The following PRKDC variants were observed in gnomAD, a reference collection of about 807,000 sequenced individuals.
PRKDC encodes the protein protein kinase, DNA-activated, catalytic subunit, also known as DNA-dependent protein kinase catalytic subunit.
A neutral mutation model predicts 486.9 loss-of-function variants in PRKDC; 82 were observed. The observed-to-expected ratio is 0.17, with a 90% confidence interval of 0.14 to 0.20. The LOEUF is 0.20. Among genes scored for constraint, PRKDC ranks in the 10% least tolerant of loss-of-function variants. The pLI is 1.00. For synonymous variants in PRKDC, 1,895 were observed against 1,837.0 expected (o/e 1.03, Z -0.81); for missense variants, 4,504 against 5,038.2 (o/e 0.89, Z 3.21).
intron 25 of PRKDC, among the ~76,000 whole-genome samples, chr8:47,909,548 T>C (rs115805827): frequency 6.6e-6 from 1 of 152,148 alleles, no homozygotes; most frequent in Non-Finnish European, 1.5e-5. Context: ...GATTTTCAGG[T>C]AACAAGCAAG....
In PRKDC at chr8:47,822,020, C is replaced by T. The variant is rs550395206; in HGVS notation, c.8923-228G>A. ...AAACCCAGCTGGGCACGCTGGCTCA[C>T]GCCTGTGATCCCACCACTGTGGGAG... On this transcript the variant is annotated intron_variant, in intron 64 of 85. Transcript: ENST00000314191. 1.6e-4 allele frequency among the ~76,000 whole-genome samples: 24 copies of T among 152,350 alleles called. 1 individual carries two copies. In the East Asian group the frequency reaches 4.6e-3, roughly 29 times the overall value.
chr8:47,940,145 CAG>C (rs1167654613), intron 10 of PRKDC, among the ~76,000 whole-genome samples: 1 of 152,030 alleles, frequency 6.6e-6, no homozygotes, highest in Non-Finnish European at 1.5e-5. Flanking sequence ...AGAGAGCTGT[CAG>C]GGGACCAGTG....
At chr8:47,933,835 T>A (rs2090299827) in intron 15 of PRKDC, 130 bp downstream of exon 15, 5 of 998,574 alleles carry the variant, frequency 5.0e-6, no homozygotes, top group Non-Finnish European at 6.7e-6. Context: ...TAATTTTTTA[T>A]TTTTGAAGTA....
At chr8:47,856,803 AG>A (rs1472514002) in intron 49 of PRKDC, among the ~76,000 whole-genome samples, 1 of 152,232 alleles carries the variant, frequency 6.6e-6, no homozygotes, top group African/African-American at 2.4e-5. Context: ...AGGGACTTCA[AG>A]GCAGGAGTCC....
At chr8:47,886,436 C>A (rs1222307828) in intron 35 of PRKDC, among the ~76,000 whole-genome samples, 3 of 152,086 alleles carry the variant, frequency 2.0e-5, no homozygotes, top group African/African-American at 4.8e-5. Flanking sequence ...GTTGCCCAGG[C>A]TGGAGTACAG....
intron 69 of PRKDC, among the ~76,000 whole-genome samples, chr8:47,806,644 T>C (rs2087220855): frequency 6.6e-6 from 1 of 152,216 alleles, no homozygotes; most frequent in African/African-American, 2.4e-5. Context: ...AATGTATACT[T>C]AATATCAAGA....
intron 60 of PRKDC, 139 bp downstream of exon 60, chr8:47,831,675 G>A: frequency 1.2e-6 from 1 of 841,336 alleles, no homozygotes; most frequent in East Asian, 2.6e-5. Context: ...GGAGCCCCAG[G>A]AGGCTGGTTT....
rs1160174249 is a variant in PRKDC at position 47,799,234 on chromosome 8, G to A, written c.10273C>T (p.Arg3425Cys). 9.3e-6 allele frequency: 15 copies of A among 1,613,540 alleles called. No homozygotes were observed. The highest frequency in any genetic ancestry group is 1.6e-4 in the Middle Eastern group (1 of 6,084). The change falls in exon 72 of 86, where the codon CGC becomes TGC. Residue 3425 changes from arginine (R) to cysteine (C), a missense_variant. Physicochemically the swap from Arg to Cys is radical, Grantham distance 180. Coordinates refer to ENST00000314191, the MANE Select transcript of PRKDC (RefSeq NM_006904.7). ...CCTGATGCATTCTCTTCCTCCTTGCGCAGCTGTTGGTCACAGAAATCTGCC... is the reference window on the plus strand; with the variant it reads ...CCTGATGCATTCTCTTCCTCCTTGCACAGCTGTTGGTCACAGAAATCTGCC... ...TLADFCDQQL[R>C]KEEENASVID...
intron 21 of PRKDC, 188 bp downstream of exon 21, chr8:47,927,006 A>G: frequency 1.6e-6 from 1 of 615,928 alleles, no homozygotes; most frequent in South Asian, 2.6e-5. Flanking sequence ...ATTTTTTAAT[A>G]CCTCAACTAT....
chr8:47,852,971 T>C (rs1321294210), intron 51 of PRKDC, among the ~76,000 whole-genome samples, 187 bp from the exon 52 acceptor site: 1 of 152,176 alleles, frequency 6.6e-6, no homozygotes, highest in African/African-American at 2.4e-5. Context: ...CCCGATGTCA[T>C]AACCAGAAAA....
At chr8:47,881,613 ATTGT>A in intron 37 of PRKDC, 93 bp from the exon 38 acceptor site, 1 of 706,012 alleles carries the variant, frequency 1.4e-6, no homozygotes, top group Non-Finnish European at 2.3e-6. Context: ...CCAGAAATGA[ATTGT>A]TAATTTAATT....
intron 38 of PRKDC, among the ~76,000 whole-genome samples, chr8:47,881,091 C>CAAGA (rs1337408846): frequency 1.3e-5 from 2 of 148,974 alleles, no homozygotes; most frequent in African/African-American, 2.5e-5. Context: ...AGCAAGAAAG[C>CAAGA]AAGCAAGCAA....
At chr8:47,796,320 C>G (rs1487811751) in intron 73 of PRKDC, among the ~76,000 whole-genome samples, 2 of 151,842 alleles carry the variant, frequency 1.3e-5, no homozygotes, top group Non-Finnish European at 2.9e-5. Flanking sequence ...GCCTGGGTGA[C>G]AGCGAGACTC....
chr8:47,935,133 CAG>C, intron 13 of PRKDC, 75 bp from the exon 14 acceptor site: 1 of 1,071,614 alleles, frequency 9.3e-7, no homozygotes, highest in Non-Finnish European at 1.3e-6. Context: ...AAAAAACAAA[CAG>C]TCATTATATT....
intron 21 of PRKDC, among the ~76,000 whole-genome samples, chr8:47,924,976 C>T (rs574606584): frequency 6.6e-6 from 1 of 152,306 alleles, no homozygotes; most frequent in Admixed American, 6.5e-5. Context: ...CCTCCATCGC[C>T]CTTCTCACCC....
At chr8:47,781,354 T>C (rs759032841) in intron 80 of PRKDC, among the ~76,000 whole-genome samples, 23 of 152,212 alleles carry the variant, frequency 1.5e-4, no homozygotes, top group Non-Finnish European at 2.8e-4. Flanking sequence ...CCTGGGAATA[T>C]GAGTTTGATA....
intron 20 of PRKDC, 21 bp from the exon 21 acceptor site, chr8:47,927,374 GT>G (rs767261556): frequency 6.3e-7 from 1 of 1,588,244 alleles, no homozygotes; most frequent in African/African-American, 1.4e-5. Flanking sequence ...ATACAAACAA[GT>G]TAAACTGAAA....
intron 26 of PRKDC, among the ~76,000 whole-genome samples, chr8:47,904,411 T>C (rs1345102981): frequency 6.6e-6 from 1 of 152,188 alleles, no homozygotes; most frequent in African/African-American, 2.4e-5. Flanking sequence ...TGTAACACCA[T>C]GCCAGCTAAT....
rs145573219 is a variant in PRKDC at position 47,805,532 on chromosome 8, T to C, written c.9747+1605A>G. The stretch of plus-strand genomic sequence containing the variant: ...AGCATTCTTTATGAATTCTGGATAC[T>C]AGACCCTTATCAGATATGTGATCAG... On this transcript the variant is annotated intron_variant, in intron 69 of 85. Coordinates refer to ENST00000314191, the MANE Select transcript of PRKDC (RefSeq NM_006904.7). 7.2e-5 allele frequency among the ~76,000 whole-genome samples: 11 copies of C among 152,348 alleles called. 1 individual carries two copies. The East Asian group carries it at 2.1e-3, about 29-fold the overall frequency.
Sources: gnomAD v4.1 joint callset for allele counts (sites outside exome capture counted in the v4.1 genomes callset) on GRCh38, gnomAD v4.1.1 for gene constraint, MANE v1.5 for transcripts, NCBI Gene and HGNC (gene_info 2026-07-23, HGNC 2026-07-21) for gene names.